Variants in CBLL1 observed in about 807,000 individuals in gnomAD.
CBLL1 encodes the protein E3 ubiquitin-protein ligase Hakai.
CBLL1 carries 4 observed loss-of-function variants against 44.9 expected under a neutral mutation model. The ratio of observed to expected loss-of-function variants is 0.09; its 90% confidence interval spans 0.04 to 0.20. The LOEUF is 0.20. CBLL1 is among the 10% of genes least tolerant of loss of function. The probability of loss-of-function intolerance (pLI) is 1.00; values close to 1 mark genes in which losing one functional copy is unlikely to be tolerated. For synonymous variants in CBLL1, 235 were observed against 202.2 expected, an observed-to-expected ratio of 1.16 and a Z score of -1.38; for missense variants, 569 against 636.7, an observed-to-expected ratio of 0.89 and a Z score of 1.14.
At position 107,759,383 on chromosome 7, in the gene CBLL1, T is replaced by G. The variant is rs998015610; in HGVS notation, c.*205T>G. On this transcript the variant is annotated 3_prime_UTR_variant, in exon 6 of 6. Coordinates refer to ENST00000440859, the MANE Select transcript of CBLL1 (RefSeq NM_024814.4). ...CTGTAGTACAGATAAGTGGCTCAGTTGAGCACAGCTATATTTTAACATCTC... is the reference window on the plus strand; with the variant it reads ...CTGTAGTACAGATAAGTGGCTCAGTGGAGCACAGCTATATTTTAACATCTC... 1.1e-5 allele frequency: 5 copies of G among 453,708 alleles called. No homozygotes were observed. The highest frequency in any genetic ancestry group is 9.8e-5 in the African/African-American group (5 of 50,852). The allele number at this position is 453,708 out of a possible 1,614,324, so 28.1% of individuals were successfully genotyped here.
At chr7:107,752,928 A>T (rs775489176) in intron 2 of CBLL1, among the ~76,000 whole-genome samples, 1 of 152,212 alleles carries the variant, frequency 6.6e-6, no homozygotes, top group African/African-American at 2.4e-5. Context: ...TTGTTTGCTA[A>T]TAAAATCGAT....
intron 2 of CBLL1, among the ~76,000 whole-genome samples, chr7:107,749,930 A>G (rs1793205086): frequency 7.5e-6 from 1 of 132,806 alleles, no homozygotes; most frequent in East Asian, 2.7e-4. Context: ...GCGTGTGTGT[A>G]TATATATTTT....
chr7:107,749,600 CCTT>C (rs2115618909), intron 2 of CBLL1, among the ~76,000 whole-genome samples: 1 of 135,354 alleles, frequency 7.4e-6, no homozygotes, highest in South Asian at 2.8e-4. Context: ...ACAGATTTGG[CCTT>C]TTTTTTTTTT....
intron 1 of CBLL1, among the ~76,000 whole-genome samples, chr7:107,747,233 G>A (rs1793064407): frequency 6.6e-6 from 1 of 152,212 alleles, no homozygotes; most frequent in Admixed American, 6.5e-5. Context: ...GCTCTTGAAA[G>A]TGGTAGACTA....
At chr7:107,746,771 C>G (rs946406178) in intron 1 of CBLL1, among the ~76,000 whole-genome samples, 2 of 152,196 alleles carry the variant, frequency 1.3e-5, no homozygotes, top group Non-Finnish European at 2.9e-5. Context: ...CTAATAGAAT[C>G]TTGCCAGAAA....
rs372020019 is a variant in CBLL1, at chr7:107,758,689, G to A, written c.987G>A (p.Ser329=). ...AATATCAGGGTCAACCAGTGGTATC[G>A]CACCCTCATCATATTATGCCTCCAC... is the stretch of plus-strand genomic sequence containing the variant. ...HPEYQGQPVV[S]HPHHIMPPQQ... is the part of the protein sequence containing the mutation. Residue 329 remains serine, a synonymous_variant, in exon 6 of 6, where the codon TCG becomes TCA. Coordinates refer to ENST00000440859, the MANE Select transcript of CBLL1 (RefSeq NM_024814.4). This position sits in a 1 kb window ranked among gnomAD's most constrained non-coding sequence, Gnocchi z 4.2. The A allele has an allele frequency of 1.7e-5, 28 of 1,613,360 alleles. No homozygotes were observed. Among genetic ancestry groups the A allele is most frequent in the African/African-American group, 9.4e-5 (7 of 74,722 alleles).
chr7:107,748,797 G>C lies in CBLL1; in HGVS notation c.14-83G>C, dbSNP rs534916838. 1.9e-4 allele frequency: 216 copies of C among 1,119,956 alleles called. 1 individual carries two copies. In the African/African-American group the frequency reaches 3.0e-3, roughly 15 times the overall value. 69.4% of individuals were successfully genotyped at this position (1,119,956 alleles called of 1,614,324 possible). The stretch of plus-strand genomic sequence containing the variant: ...CAGATCTTTAACCTTGATAATGTTA[G>C]GTATGGTGTTTTAATACCTGTGGCA... On this transcript the variant is annotated intron_variant, in intron 1 of 5. Transcript: ENST00000440859.
At chr7:107,745,441 G>T (rs1792966984) in intron 1 of CBLL1, among the ~76,000 whole-genome samples, 1 of 152,196 alleles carries the variant, frequency 6.6e-6, no homozygotes, top group African/African-American at 2.4e-5. Context: ...AATAGCCAGA[G>T]GGTAGGAGTC....
chr7:107,748,790 A>G (rs959590773), intron 1 of CBLL1, 90 bp from the exon 2 acceptor site: 2 of 1,042,732 alleles, frequency 1.9e-6, no homozygotes, highest in South Asian at 3.8e-5. Flanking sequence ...TAACCTTGAT[A>G]ATGTTAGGTA....
At chr7:107,749,571 T>C (rs1247403166) in intron 2 of CBLL1, among the ~76,000 whole-genome samples, 1 of 151,666 alleles carries the variant, frequency 6.6e-6, no homozygotes, top group Non-Finnish European at 1.5e-5. Flanking sequence ...ATGTATACTT[T>C]GTAGAATTTG....
At chr7:107,754,038 A>C (rs1203898522) in intron 4 of CBLL1, 60 bp downstream of exon 4, 1 of 1,045,586 alleles carries the variant, frequency 9.6e-7, no homozygotes. Context: ...GGGGTTCTGA[A>C]ATTTAGATAG....
At chr7:107,752,843 T>C (rs113035455) in intron 2 of CBLL1, among the ~76,000 whole-genome samples, 1 of 152,178 alleles carries the variant, frequency 6.6e-6, no homozygotes, top group East Asian at 1.9e-4. Context: ...AGGGAGTGGT[T>C]TTAATTGACA....
chr7:107,752,429 A>G (rs1335814044), intron 2 of CBLL1: 1 of 381,216 alleles, frequency 2.6e-6, no homozygotes, highest in Admixed American at 3.4e-5. Flanking sequence ...TTTGTGTGTT[A>G]ATGTGAATGT....
intron 2 of CBLL1, among the ~76,000 whole-genome samples, chr7:107,749,905 A>T (rs562130614): frequency 2.6e-5 from 4 of 151,176 alleles, no homozygotes; most frequent in African/African-American, 9.7e-5. Context: ...GGTTTTTGTT[A>T]TATGTTATGT....
At position 107,758,172 on chromosome 7, in the gene CBLL1, A is replaced by G; in HGVS notation, c.470A>G (p.Gln157Arg). The change falls in exon 6 of 6, where the codon CAG (glutamine) becomes CGG (arginine). Residue 157 changes from glutamine to arginine, a missense_variant. Physicochemically the swap from Gln to Arg is conservative, Grantham distance 43. Transcript: ENST00000440859. This position sits in a 1 kb window ranked among gnomAD's most constrained non-coding sequence, Gnocchi z 4.2. ...GCSDPVQRIEQCTRGSLFMCS... is the reference protein window; with the variant it reads ...GCSDPVQRIERCTRGSLFMCS... ...AGTGATCCTGTGCAGCGAATTGAGC[A>G]GTGTACACGAGGTTCTCTCTTCATG... The G allele has an allele frequency of 6.2e-7, 1 of 1,610,338 alleles. No homozygotes were observed. The highest frequency in any genetic ancestry group is 1.1e-5 in the South Asian group (1 of 90,916).
rs1407282214 is a variant in CBLL1, at chr7:107,749,243, T to C, written c.181+196T>C. ...ATATTTTTTGATTTGGTTCCTTTTG[T>C]TGTTGAAAGCAATACTGCCCATTGT... On this transcript the variant is annotated intron_variant, in intron 2 of 5. Coordinates refer to ENST00000440859, the MANE Select transcript of CBLL1 (RefSeq NM_024814.4). The C allele has an allele frequency of 3.0e-5, 13 of 432,454 alleles. No individual in the cohort carries two copies. In the East Asian group the frequency reaches 4.9e-4, roughly 16 times the overall value. The allele number at this position is 432,454 out of a possible 1,614,324, so 26.8% of individuals were successfully genotyped here.
Position 107,749,127 on chromosome 7 carries a change from A to G in CBLL1, c.181+80A>G, listed in dbSNP as rs1793150537. 20 of 1,278,324 alleles carry G rather than the reference A, an allele frequency of 1.6e-5. No individual in the cohort carries two copies. In the South Asian group the frequency reaches 2.8e-4, roughly 18 times the overall value. The allele number at this position is 1,278,324 out of a possible 1,614,324, so 79.2% of individuals were successfully genotyped here. ...GGACAGTCTGTGTGATCTTATAGCT[A>G]CCTCTTTTTGTCTTACATATTCTAT... On this transcript the variant is annotated intron_variant, in intron 2 of 5. Coordinates refer to ENST00000440859, the MANE Select transcript of CBLL1 (RefSeq NM_024814.4).
Position 107,759,073 on chromosome 7 carries a change from A to G in CBLL1, c.1371A>G (p.Pro457=), listed in dbSNP as rs759098686. The change falls in exon 6 of 6, where the codon CCA becomes CCG. Residue 457 remains proline (P), a synonymous_variant. Transcript: ENST00000440859. The part of the protein sequence containing the change: ...GGMSPGIWPA[P]RGPPPPPRLQ... ...TGAGTCCTGGTATATGGCCTGCACCAAGAGGGCCACCACCACCTCCACGAT... is the reference window on the plus strand; with the variant it reads ...TGAGTCCTGGTATATGGCCTGCACCGAGAGGGCCACCACCACCTCCACGAT... The G allele has an allele frequency of 1.9e-6, 3 of 1,613,552 alleles. No individual in the cohort carries two copies. The Admixed American group carries it at 5.0e-5, about 27-fold the overall frequency.
rs757700907 is a variant in CBLL1 at position 107,758,974 on chromosome 7, T to C, written c.1272T>C (p.Tyr424=). The change falls in exon 6 of 6, where the codon TAT becomes TAC. Residue 424 remains tyrosine (Y), a synonymous_variant. Coordinates refer to ENST00000440859, the MANE Select transcript of CBLL1 (RefSeq NM_024814.4). This position sits in a 1 kb window ranked among gnomAD's most constrained non-coding sequence, Gnocchi z 4.2. ...PPVTAPPPHH[Y]NPNSLPQFTE... is the part of the protein sequence containing the mutation. ...TAACTGCACCCCCTCCTCACCATTATAATCCTAACTCATTACCCCAGTTCA... is the reference window on the plus strand; with the variant it reads ...TAACTGCACCCCCTCCTCACCATTACAATCCTAACTCATTACCCCAGTTCA... 1.9e-6 allele frequency: 3 copies of C among 1,613,902 alleles called. No individual in the cohort carries two copies. The South Asian group carries it at 3.3e-5, about 18-fold the overall frequency.
Sources: gnomAD v4.1 joint callset for allele counts (sites outside exome capture counted in the v4.1 genomes callset) on GRCh38, gnomAD v4.1.1 for gene constraint, Gnocchi (gnomAD v3.1) non-coding constraint, MANE v1.5 for transcripts, NCBI Gene and HGNC (gene_info 2026-07-23, HGNC 2026-07-21) for gene names.